Variants in WDR76 observed in about 807,000 individuals in gnomAD.
The protein encoded by WDR76 is WD repeat domain 76, also known as WD repeat-containing protein 76.
Under a neutral mutation model 70.2 loss-of-function variants are expected in WDR76, and 52 were observed. The ratio of observed to expected loss-of-function variants is 0.74; its 90% CI spans 0.59 to 0.93. The LOEUF is 0.93. WDR76 is among the 40% of genes least tolerant of loss of function. WDR76 has a pLI of 0.00. For missense variants in WDR76, 756 were observed against 760.2 expected (o/e 0.99, Z 0.07); for synonymous variants, 292 against 271.1 (o/e 1.08, Z -0.76).
chr15:43,828,157 A>T lies in WDR76; in HGVS notation c.253A>T (p.Lys85Ter). ...CAATGAAGTGGCGTGTAAGAAGACT[A>T]AAATAAAGAAAACTTGCAGAAGGAT... ...SNNEVACKKT[K>*]IKKTCRRIIP... The change falls in exon 2 of 13, where the codon AAA (lysine) becomes TAA (stop). Residue 85 changes from lysine (K) to a stop codon, truncating the protein, a stop_gained. Coordinates refer to ENST00000263795, the MANE Select transcript of WDR76 (RefSeq NM_024908.4). LOFTEE classifies it high-confidence loss of function. The T allele has an allele frequency of 6.2e-7, 1 of 1,614,106 alleles. No homozygotes were observed. The highest frequency in any genetic ancestry group is 8.5e-7 in the Non-Finnish European group (1 of 1,180,014).
chr15:43,851,197 T>TG lies in WDR76; in HGVS notation c.1144dup (p.Asp382GlyfsTer15). ...CGGCCCACATACTGTCACTGAGCTA[T>TG]GATGGCACGTTACGCTGTGGGGATT... On this transcript the variant is annotated frameshift_variant, in exon 9 of 13. Transcript: ENST00000263795. LOFTEE classifies it high-confidence loss of function. 2 of 1,614,196 alleles carry TG rather than the reference T, an allele frequency of 1.2e-6. No homozygotes were observed. The highest frequency in any genetic ancestry group is 1.7e-6 in the Non-Finnish European group (2 of 1,180,042).
rs534483752 is a variant in WDR76, at chr15:43,837,422, T to C, written c.608+1206T>C. Reference sequence around the variant, plus strand: ...CTGATTAGTAGCTTTACATTTGCATTTTTTTATTAGCCAAGATTGGTGATT... The same window carrying C: ...CTGATTAGTAGCTTTACATTTGCATCTTTTTATTAGCCAAGATTGGTGATT... On this transcript the variant is annotated intron_variant, in intron 4 of 12. Coordinates refer to ENST00000263795, the MANE Select transcript of WDR76 (RefSeq NM_024908.4). Among the ~76,000 whole-genome samples the C allele has an allele frequency of 2.0e-5, 3 of 152,302 alleles. No individual in the cohort carries two copies. The South Asian group carries it at 6.2e-4, about 32-fold the overall frequency.
At chr15:43,837,590 C>T (rs1567183817) in intron 4 of WDR76, among the ~76,000 whole-genome samples, 1 of 152,142 alleles carries the variant, frequency 6.6e-6, no homozygotes, top group African/African-American at 2.4e-5. Context: ...CAGTCACTTA[C>T]AGCTATGACA....
chr15:43,857,634 A>C (rs1383160709), intron 10 of WDR76: 4 of 495,194 alleles, frequency 8.1e-6, no homozygotes, highest in Non-Finnish European at 1.0e-5. Flanking sequence ...AGCCTGGCCA[A>C]TATGGTGAGA....
chr15:43,841,792 C>G (rs1268770137), intron 5 of WDR76, among the ~76,000 whole-genome samples: 1 of 152,196 alleles, frequency 6.6e-6, no homozygotes, highest in African/African-American at 2.4e-5. Context: ...TGAGTCAATT[C>G]TCAGCTTCTC....
At chr15:43,829,929 A>G (rs1465497882) in intron 2 of WDR76, among the ~76,000 whole-genome samples, 4 of 152,012 alleles carry the variant, frequency 2.6e-5, no homozygotes, top group Non-Finnish European at 4.4e-5. Flanking sequence ...TTAAAACTCC[A>G]TTGCAGGGCC....
At position 43,828,248 on chromosome 15, in the gene WDR76, C is replaced by G. The variant is rs763001111; in HGVS notation, c.344C>G (p.Ala115Gly). The change falls in exon 2 of 13, where the codon GCT becomes GGT. Residue 115 changes from alanine to glycine, a missense_variant. By Grantham distance (60) the Ala-to-Gly change is moderately conservative. Coordinates refer to ENST00000263795, the MANE Select transcript of WDR76 (RefSeq NM_024908.4). ...AESTLQNSSS[A>G]VHTESNKLQP... ...TCCACGCTGCAAAATTCATCCTCAG[C>G]TGTTCATACTGAAAGTAACAAGCTA... 1.9e-6 allele frequency: 3 copies of G among 1,614,190 alleles called. No homozygotes were observed. Among genetic ancestry groups the G allele is most frequent in the South Asian group, 2.2e-5 (2 of 91,084 alleles).
chr15:43,839,944 T>C (rs1166931403), intron 5 of WDR76, among the ~76,000 whole-genome samples: 1 of 152,008 alleles, frequency 6.6e-6, no homozygotes, highest in Non-Finnish European at 1.5e-5. Flanking sequence ...TGCAACCCCC[T>C]CCTCCCGTGT....
rs771675207 is a variant in WDR76, at chr15:43,836,212, A to G, written c.604A>G (p.Lys202Glu). ...AGAGAAGAGACAGCCTCCTAAATCC[A>G]AAAGGTAAAATATCTAGTTTGCAAT... is the stretch of plus-strand genomic sequence containing the variant. The part of the protein sequence containing the change: ...MIEKRQPPKS[K>E]RKKPKRENGI... The change falls in exon 4 of 13, where the codon AAA (lysine) becomes GAA (glutamate). Residue 202 changes from lysine (K) to glutamate (E), a missense_variant. Transcript: ENST00000263795. 1.9e-5 allele frequency: 30 copies of G among 1,609,714 alleles called. No homozygotes were observed. In the East Asian group the frequency reaches 6.3e-4, roughly 34 times the overall value.
intron 10 of WDR76, 37 bp from the exon 11 acceptor site, chr15:43,858,634 A>G (rs1468000871): frequency 3.7e-6 from 6 of 1,607,242 alleles, no homozygotes; most frequent in Middle Eastern, 1.7e-4. Context: ...CATTACATGT[A>G]CTATGGCAAC....
rs1273576653 is a variant in WDR76 at position 43,835,075 on chromosome 15, G to A, written c.477G>A (p.Leu159=). The change falls in exon 3 of 13, where the codon TTG becomes TTA. Residue 159 remains leucine, a synonymous_variant. Transcript: ENST00000263795. Reference sequence around the variant, plus strand: ...TAATTTTATAGGATTTTTCGGGATTGTCACCCTACGAAAGGAAGAGACTGA... The same window carrying A: ...TAATTTTATAGGATTTTTCGGGATTATCACCCTACGAAAGGAAGAGACTGA... The part of the protein sequence containing the change: ...DTTPSLDFSG[L]SPYERKRLKN... The A allele has an allele frequency of 1.2e-6, 2 of 1,614,064 alleles. No individual in the cohort carries two copies. The highest frequency in any genetic ancestry group is 1.7e-6 in the Non-Finnish European group (2 of 1,179,986).
At chr15:43,856,435 G>T (rs2087927778) in intron 9 of WDR76, among the ~76,000 whole-genome samples, 1 of 152,112 alleles carries the variant, frequency 6.6e-6, no homozygotes, top group South Asian at 2.1e-4. Flanking sequence ...TTTCAATTGG[G>T]TAGAATTCAC....
At position 43,856,957 on chromosome 15, in the gene WDR76, TGAAA is replaced by T; in HGVS notation, c.1207_1210del (p.Arg403ValfsTer16). The T allele has an allele frequency of 6.2e-7, 1 of 1,613,780 alleles. No individual in the cohort carries two copies. The highest frequency in any genetic ancestry group is 8.5e-7 in the Non-Finnish European group (1 of 1,179,820). On this transcript the variant is annotated frameshift_variant, in exon 10 of 13. Coordinates refer to ENST00000263795, the MANE Select transcript of WDR76 (RefSeq NM_024908.4). LOFTEE classifies it high-confidence loss of function. ...ACTTATATTCTTAGGTGTATAGAAA[TGAAA>T]GAAGTAGCTTTTCCTCCTTCGACTT...
At chr15:43,827,245 T>TG in intron 1 of WDR76, 153 bp downstream of exon 1, 2 of 840,228 alleles carry the variant, frequency 2.4e-6, no homozygotes, top group Non-Finnish European at 3.7e-6. Context: ...GAAAGGTTCT[T>TG]ATCAATAACC....
chr15:43,838,125 G>A (rs1304634908), intron 4 of WDR76, among the ~76,000 whole-genome samples: 5 of 152,024 alleles, frequency 3.3e-5, no homozygotes, highest in African/African-American at 4.8e-5. Context: ...CGCCTGCCTC[G>A]GCCTCCCAAA....
intron 9 of WDR76, among the ~76,000 whole-genome samples, chr15:43,851,732 C>T (rs1401707437): frequency 6.6e-6 from 1 of 152,082 alleles, no homozygotes; most frequent in Non-Finnish European, 1.5e-5. Context: ...CCAGGAGTTC[C>T]AGACCAGCCT....
At chr15:43,843,114 C>G (rs2087747472) in intron 7 of WDR76, among the ~76,000 whole-genome samples, 1 of 146,822 alleles carries the variant, frequency 6.8e-6, no homozygotes, top group Admixed American at 7.1e-5. Context: ...ACCTTCGCTT[C>G]CTGGGCTCAA....
chr15:43,834,323 G>A (rs928649204), intron 2 of WDR76, among the ~76,000 whole-genome samples: 1 of 144,652 alleles, frequency 6.9e-6, no homozygotes, highest in Non-Finnish European at 1.5e-5. Context: ...TTTTTGAGAC[G>A]GAGTTTCGCT....
intron 11 of WDR76, among the ~76,000 whole-genome samples, chr15:43,860,018 A>C (rs903735504): frequency 1.3e-5 from 2 of 152,196 alleles, no homozygotes; most frequent in African/African-American, 2.4e-5. Context: ...CGGGAGGCTG[A>C]GGTGGGAGGA....
Sources: allele counts gnomAD v4.1 joint callset (sites outside exome capture counted in the v4.1 genomes callset), GRCh38; gene constraint gnomAD v4.1.1; transcripts MANE v1.5; gene names NCBI Gene and HGNC (gene_info 2026-07-23, HGNC 2026-07-21).